SLC43A3: variants seen among roughly 807,000 people sequenced by gnomAD.
SLC43A3 encodes the protein solute carrier family 43 member 3, also known as equilibrative nucleobase transporter 1.
Under a neutral mutation model 53.3 loss-of-function variants are expected in SLC43A3, and 33 were observed. That is an observed-to-expected ratio of 0.62 (90% CI 0.47 to 0.83). The LOEUF (loss-of-function observed/expected upper bound fraction) is 0.83, where lower values mean the gene tolerates loss of function less well. Among genes scored for constraint, SLC43A3 ranks in the 40% least tolerant of loss-of-function variants. SLC43A3 has a pLI of 0.00. For missense variants in SLC43A3, 530 were observed against 610.0 expected (o/e 0.87, Z 1.38); for synonymous variants, 236 against 246.2 (o/e 0.96, Z 0.39).
intron 5 of SLC43A3, among the ~76,000 whole-genome samples, chr11:57,422,415 T>C (rs1029249962): frequency 2.0e-5 from 3 of 152,210 alleles, no homozygotes; most frequent in Non-Finnish European, 1.5e-5. Flanking sequence ...TCAGAAGGAC[T>C]GAAAGAGAAA....
chr11:57,425,104 G>A (rs901592340), intron 4 of SLC43A3, among the ~76,000 whole-genome samples: 2 of 152,156 alleles, frequency 1.3e-5, no homozygotes, highest in African/African-American at 2.4e-5. Flanking sequence ...GCGGGGAGGG[G>A]GGGCGGTGAG....
chr11:57,411,829 G>A (rs1272603150), intron 11 of SLC43A3, among the ~76,000 whole-genome samples: 1 of 152,058 alleles, frequency 6.6e-6, no homozygotes, highest in Non-Finnish European at 1.5e-5. Flanking sequence ...GGTAAAACCA[G>A]TAATTATATT....
rs968638443 is a variant in SLC43A3 at position 57,421,123 on chromosome 11, A to G, written c.439-59T>C. On this transcript the variant is annotated intron_variant, in intron 6 of 13. Coordinates refer to ENST00000395124, the MANE Select transcript of SLC43A3 (RefSeq NM_199329.3). The stretch of plus-strand genomic sequence containing the variant: ...TTATTCATGAAACAGATACTTCCTG[A>G]GCACCCAGCATGTGGCAGACCCTCC... 295 of 1,376,324 alleles carry G rather than the reference A, an allele frequency of 2.1e-4. 1 individual carries two copies. Among genetic ancestry groups the G allele is most frequent in the Non-Finnish European group, 2.9e-4 (281 of 966,688 alleles). 85.3% of individuals were successfully genotyped at this position (1,376,324 alleles called of 1,614,324 possible).
chr11:57,410,217 T>C (rs140846606), intron 11 of SLC43A3, 96 bp from the exon 12 acceptor site: 37 of 1,005,982 alleles, frequency 3.7e-5, no homozygotes, highest in Non-Finnish European at 4.8e-5. Flanking sequence ...GAGGAGCCAC[T>C]ATCCATCCAC....
intron 9 of SLC43A3, 46 bp from the exon 10 acceptor site, chr11:57,415,152 A>G (rs1203212533): frequency 1.3e-6 from 2 of 1,587,074 alleles, no homozygotes; most frequent in Admixed American, 3.4e-5. Flanking sequence ...AGGAAAGTGG[A>G]CAGGTAGGAT....
In SLC43A3 at chr11:57,407,903, G is replaced by A. The variant is rs968146006; in HGVS notation, c.1372-7C>T. On this transcript the variant is annotated splice_region_variant and splice_polypyrimidine_tract_variant and intron_variant, in intron 13 of 13. Transcript: ENST00000395124. ...GCATGAACATCACATTCACCTGCAGGGAGAGCAGAAGTGAGGTGAAATCCA... is the reference window on the plus strand; with the variant it reads ...GCATGAACATCACATTCACCTGCAGAGAGAGCAGAAGTGAGGTGAAATCCA... 6.3e-7 allele frequency: 1 copy of A among 1,590,018 alleles called. No individual in the cohort carries two copies. The highest frequency in any genetic ancestry group is 2.2e-5 in the East Asian group (1 of 44,756).
In SLC43A3 at chr11:57,426,221, G is replaced by C. The variant is rs148673655; in HGVS notation, c.-49C>G. ...AAATCCCACTTTGTCCTCCTGGACG[G>C]ATCACAGGCGCCGTAAGCCTGGCGT... On this transcript the variant is annotated 5_prime_UTR_variant, in exon 3 of 14. In the 5' UTR this introduces an upstream ATG that the reference lacks. Coordinates refer to ENST00000395124, the MANE Select transcript of SLC43A3 (RefSeq NM_199329.3). The C allele has an allele frequency of 3.0e-4, 467 of 1,565,810 alleles. 1 individual carries two copies. In the African/African-American group the frequency reaches 5.5e-3, roughly 18 times the overall value.
intron 4 of SLC43A3, 24 bp downstream of exon 4, chr11:57,425,517 C>T (rs539681435): frequency 1.9e-6 from 3 of 1,608,418 alleles, no homozygotes; most frequent in African/African-American, 1.3e-5. Flanking sequence ...CCCACCTTTG[C>T]CTGGGCTGGC....
chr11:57,420,867 CA>C, intron 7 of SLC43A3, 104 bp downstream of exon 7: 1 of 778,204 alleles, frequency 1.3e-6, no homozygotes, highest in East Asian at 2.5e-5. Context: ...GGGGGTAACA[CA>C]GTACCTACCT....
intron 6 of SLC43A3, 88 bp from the exon 7 acceptor site, chr11:57,421,152 T>A (rs990214919): frequency 3.2e-6 from 4 of 1,237,342 alleles, no homozygotes; most frequent in Non-Finnish European, 4.7e-6. Context: ...ACCCTCCTTA[T>A]ACCCAAACTC....
At chr11:57,415,545 T>C in intron 9 of SLC43A3, 3 of 496,694 alleles carry the variant, frequency 6.0e-6, no homozygotes, top group South Asian at 1.8e-5. Flanking sequence ...TTGGGAAATC[T>C]TCCTCTACCC....
rs746788213 is a variant in SLC43A3 at position 57,424,009 on chromosome 11, T to C, written c.334A>G (p.Thr112Ala). ...LIAIFFYTTA[T>A]LIIAFTSAGS... ...GCAGAGGTGAAGGCTATGATGAGTG[T>C]GGCGGTGGTGTAGAAAAATCTGAAA... is the stretch of plus-strand genomic sequence containing the variant. Residue 112 changes from threonine (T) to alanine (A), a missense_variant, in exon 5 of 14, where the codon ACA becomes GCA. Transcript: ENST00000395124. The C allele has an allele frequency of 6.2e-7, 1 of 1,614,120 alleles. No individual in the cohort carries two copies. Among genetic ancestry groups the C allele is most frequent in the East Asian group, 2.2e-5 (1 of 44,882 alleles).
intron 9 of SLC43A3, 199 bp from the exon 10 acceptor site, chr11:57,415,305 C>A: frequency 6.6e-7 from 1 of 1,525,196 alleles, no homozygotes; most frequent in Non-Finnish European, 8.8e-7. Flanking sequence ...GGCCCTACCA[C>A]CTTGGATGAC....
chr11:57,427,151 T>TCGCCTCCGC (rs1943230436), upstream of SLC43A3: 2 of 152,446 alleles, frequency 1.3e-5, no homozygotes, highest in Non-Finnish European at 2.9e-5. Context: ...AGTCCCCTGC[T>TCGCCTCCGC]CGCCTCCGCC....
rs1199963355 is a variant in SLC43A3 at position 57,417,857 on chromosome 11, C to T, written c.562G>A (p.Ala188Thr). The T allele has an allele frequency of 1.2e-6, 2 of 1,614,134 alleles. No homozygotes were observed. Among genetic ancestry groups the T allele is most frequent in the Non-Finnish European group, 1.7e-6 (2 of 1,180,026 alleles). The stretch of plus-strand genomic sequence containing the variant: ...CAGACAGAGATGAAGATGAAGGAGG[C>T]CCTGAGGCTGATGCCTTTTTCATAA... ...LLYEKGISLR[A>T]SFIFISVCST... The change falls in exon 8 of 14, where the codon GCC becomes ACC. Residue 188 changes from alanine to threonine, a missense_variant. Physicochemically the swap from Ala to Thr is moderately conservative, Grantham distance 58. Coordinates refer to ENST00000395124, the MANE Select transcript of SLC43A3 (RefSeq NM_199329.3).
At position 57,423,989 on chromosome 11, in the gene SLC43A3, G is replaced by T. The variant is rs1375767558; in HGVS notation, c.354C>A (p.Thr118=). 1 of 1,614,154 alleles carries T rather than the reference G, an allele frequency of 6.2e-7. No homozygotes were observed. Among genetic ancestry groups the T allele is most frequent in the Non-Finnish European group, 8.5e-7 (1 of 1,179,990 alleles). ...CCACCTGACAGCACTCACCTGCAGA[G>T]GTGAAGGCTATGATGAGTGTGGCGG... ...YTTATLIIAF[T]SAGSAVLLFL... The change falls in exon 5 of 14, where the codon ACC becomes ACA. Residue 118 remains threonine (T), a synonymous_variant. Transcript: ENST00000395124.
chr11:57,409,138 G>GCCTCCTGCCAGGGATCCCCAT (rs1371231695), intron 13 of SLC43A3, 37 bp downstream of exon 13: 5 of 1,612,914 alleles, frequency 3.1e-6, no homozygotes. Context: ...TAAGGCCCAG[G>GCCTCCTGCCAGGGATCCCCAT]CCTCCTGCCA....
At chr11:57,421,212 G>A (rs1942971175) in intron 6 of SLC43A3, 85 bp downstream of exon 6, 3 of 1,345,024 alleles carry the variant, frequency 2.2e-6, no homozygotes, top group East Asian at 4.6e-5. Flanking sequence ...CCCCATCTGA[G>A]GCAGCCAATT....
chr11:57,407,684 T>C lies in SLC43A3; in HGVS notation c.*108A>G. 1 of 659,642 alleles carries C rather than the reference T, an allele frequency of 1.5e-6. No homozygotes were observed. Among genetic ancestry groups the C allele is most frequent in the Non-Finnish European group, 2.8e-6 (1 of 359,262 alleles). 40.9% of individuals were successfully genotyped at this position (659,642 alleles called of 1,614,324 possible). ...TTTATTTTGTGTGTGTGTGTGTGTGTGTGTGTGTTTTGCTGGGATAGGCAA... is the reference window on the plus strand; with the variant it reads ...TTTATTTTGTGTGTGTGTGTGTGTGCGTGTGTGTTTTGCTGGGATAGGCAA... On this transcript the variant is annotated 3_prime_UTR_variant, in exon 14 of 14. Coordinates refer to ENST00000395124, the MANE Select transcript of SLC43A3 (RefSeq NM_199329.3).
Sources: gnomAD v4.1 joint callset for allele counts (sites outside exome capture counted in the v4.1 genomes callset) on GRCh38, gnomAD v4.1.1 for gene constraint, MANE v1.5 for transcripts, NCBI Gene and HGNC (gene_info 2026-07-23, HGNC 2026-07-21) for gene names.